The following STPG2 variants were observed in gnomAD, a reference collection of about 807,000 sequenced individuals.
STPG2 encodes the protein sperm-tail PG-rich repeat-containing protein 2.
A neutral mutation model predicts 54.2 loss-of-function variants in STPG2; 56 were observed. The observed-to-expected ratio is 1.03, with a 90% CI of 0.83 to 1.29. STPG2 has a LOEUF of 1.29. Ranked by LOEUF, STPG2 falls within the 50% of genes most tolerant of loss-of-function variation. The pLI, the probability that STPG2 is intolerant of heterozygous loss-of-function variation, is 0.00. For missense variants in STPG2, 596 were observed against 544.9 expected (o/e 1.09, Z -0.93); for synonymous variants, 200 against 181.8 (o/e 1.10, Z -0.81).
Position 97,872,749 on chromosome 4 carries a change from C to T in STPG2, c.1045-31817G>A, listed in dbSNP as rs1179136305. 4.0e-5 allele frequency among the ~76,000 whole-genome samples: 6 copies of T among 151,322 alleles called. No individual in the cohort carries two copies. In the South Asian group the frequency reaches 1.2e-3, roughly 31 times the overall value. On this transcript the variant is annotated intron_variant, in intron 8 of 10. Coordinates refer to ENST00000295268, the MANE Select transcript of STPG2 (RefSeq NM_174952.3). ...TTATGAATCTACACATTTTGACTCA[C>T]AGATTCCTGTTTTTTTCTATATTAT...
In STPG2 at chr4:97,678,220, A is replaced by G. The variant is rs144075462; in HGVS notation, c.1320+34479T>C. Among the ~76,000 whole-genome samples, 219 of 152,210 alleles carry G rather than the reference A, an allele frequency of 1.4e-3. 7 individuals carry two copies. The East Asian group carries it at 0.024, about 17-fold the overall frequency. ...CTTACAGGGTTTTTTTCAGTTTTCC[A>G]TTTGGGATCACTATGAAATAAGGCC... On this transcript the variant is annotated intron_variant, in intron 10 of 10. Coordinates refer to ENST00000295268, the MANE Select transcript of STPG2 (RefSeq NM_174952.3).
At chr4:97,998,976 G>T (rs1735329357) in intron 5 of STPG2, among the ~76,000 whole-genome samples, 1 of 151,706 alleles carries the variant, frequency 6.6e-6, no homozygotes. Flanking sequence ...TGACTATAAA[G>T]AATATTCTTA....
At chr4:97,929,217 T>C (rs1313098779) in intron 8 of STPG2, among the ~76,000 whole-genome samples, 1 of 152,252 alleles carries the variant, frequency 6.6e-6, no homozygotes, top group Non-Finnish European at 1.5e-5. Context: ...CTCATTTTTT[T>C]ATGGGTGCAT....
chr4:97,475,236 C>A (rs1730040925), intron 4 of STPG2, among the ~76,000 whole-genome samples: 1 of 151,694 alleles, frequency 6.6e-6, no homozygotes, highest in Admixed American at 6.6e-5. Context: ...TTTATTTTGC[C>A]AAACTTTTGT....
intron 8 of STPG2, among the ~76,000 whole-genome samples, chr4:97,923,060 T>C (rs547104324): frequency 5.4e-4 from 82 of 152,370 alleles, no homozygotes; most frequent in Middle Eastern, 3.4e-3. Flanking sequence ...CTTGTGTTGA[T>C]AATAATAATA....
chr4:97,474,358 A>G (rs962382291), intron 4 of STPG2, among the ~76,000 whole-genome samples: 5 of 152,128 alleles, frequency 3.3e-5, no homozygotes, highest in African/African-American at 1.2e-4. Flanking sequence ...TGAAATGAGA[A>G]CACGAAAAAG....
intron 4 of STPG2, among the ~76,000 whole-genome samples, chr4:97,528,374 C>T (rs1166120419): frequency 2.6e-5 from 4 of 152,130 alleles, no homozygotes; most frequent in African/African-American, 4.8e-5. Flanking sequence ...TGTTTTGGTA[C>T]CAGTATCATG....
chr4:98,101,761 T>A (rs922641277), intron 5 of STPG2, among the ~76,000 whole-genome samples: 1 of 152,082 alleles, frequency 6.6e-6, no homozygotes, highest in African/African-American at 2.4e-5. Context: ...TAGAAACAAT[T>A]TCTTCTCCAT....
intron 10 of STPG2, among the ~76,000 whole-genome samples, chr4:97,586,726 T>C (rs984847651): frequency 6.6e-6 from 1 of 151,800 alleles, no homozygotes; most frequent in Non-Finnish European, 1.5e-5. Flanking sequence ...ATTGGAAAAA[T>C]TATCCTTCAG....
intron 5 of STPG2, among the ~76,000 whole-genome samples, chr4:98,098,963 T>C (rs1209962058): frequency 6.6e-6 from 1 of 151,844 alleles, no homozygotes. Context: ...AAAAGTCAAA[T>C]GCTGGTGGCA....
At chr4:98,142,983 C>T in intron 1 of STPG2, 59 bp downstream of exon 1, 1 of 1,437,730 alleles carries the variant, frequency 7.0e-7, no homozygotes, top group Non-Finnish European at 9.7e-7. Context: ...CACGCAGAAG[C>T]GGAGCAGGCT....
chr4:97,654,224 T>C (rs1508469), intron 10 of STPG2, among the ~76,000 whole-genome samples: 91,289 of 152,000 alleles, frequency 0.6, 27,976 homozygotes, highest in African/African-American at 0.72. Flanking sequence ...TGGTAATATA[T>C]ATTAAAAATG....
intron 9 of STPG2, among the ~76,000 whole-genome samples, chr4:97,748,139 G>A (rs892526551): frequency 1.3e-5 from 2 of 151,422 alleles, no homozygotes; most frequent in African/African-American, 2.4e-5. Flanking sequence ...CTCTGAGGTT[G>A]ACAGATCAGA....
At chr4:97,891,432 T>A (rs770654935) in intron 8 of STPG2, among the ~76,000 whole-genome samples, 1 of 152,088 alleles carries the variant, frequency 6.6e-6, no homozygotes, top group Admixed American at 6.6e-5. Context: ...TCACTTTTCA[T>A]ATATTCTCCT....
intron 10 of STPG2, among the ~76,000 whole-genome samples, chr4:97,698,931 A>G (rs1223076586): frequency 1.3e-5 from 2 of 152,172 alleles, no homozygotes; most frequent in East Asian, 3.9e-4. Context: ...GCTGTGTGGA[A>G]TACCATGACA....
chr4:97,904,662 C>A (rs1731328550), intron 8 of STPG2, among the ~76,000 whole-genome samples: 1 of 152,122 alleles, frequency 6.6e-6, no homozygotes, highest in Admixed American at 6.5e-5. Context: ...TTACTCCGAG[C>A]TATGGGAGGA....
At chr4:97,637,027 G>A (rs1028832817) in intron 10 of STPG2, among the ~76,000 whole-genome samples, 5 of 152,204 alleles carry the variant, frequency 3.3e-5, no homozygotes, top group Admixed American at 6.5e-5. Flanking sequence ...AAGCCGGGCA[G>A]AGACAAAACC....
At chr4:98,042,220 GT>G (rs35502692) in intron 5 of STPG2, among the ~76,000 whole-genome samples, 302 of 150,946 alleles carry the variant, frequency 2.0e-3, no homozygotes, top group African/African-American at 7.2e-3. Flanking sequence ...GATTTTCTCT[GT>G]TTTTTTTGGT....
At chr4:98,103,128 T>C (rs904496224) in intron 5 of STPG2, among the ~76,000 whole-genome samples, 2 of 151,920 alleles carry the variant, frequency 1.3e-5, no homozygotes, top group African/African-American at 2.4e-5. Flanking sequence ...TAAACAGTTA[T>C]TGCAATTTCA....
Sources: allele counts gnomAD v4.1 joint callset (sites outside exome capture counted in the v4.1 genomes callset), GRCh38; gene constraint gnomAD v4.1.1; transcripts MANE v1.5; gene names NCBI Gene and HGNC (gene_info 2026-07-23, HGNC 2026-07-21).